The following CDH8 variants were observed in gnomAD, a reference collection of about 807,000 sequenced individuals.
The protein encoded by CDH8 is cadherin 8, also known as cadherin-8.
CDH8 carries 17 observed loss-of-function variants against 68.1 expected under a neutral mutation model. That is an observed-to-expected ratio of 0.25 (90% CI 0.17 to 0.37). CDH8 has a LOEUF of 0.37. CDH8 is among the 10% of genes least tolerant of loss of function. The probability of loss-of-function intolerance (pLI) is 1.00; values close to 1 mark genes in which losing one functional copy is unlikely to be tolerated. For missense variants in CDH8, 763 were observed against 999.3 expected, an observed-to-expected ratio of 0.76 and a Z score of 3.19; for synonymous variants, 372 against 365.1, an observed-to-expected ratio of 1.02 and a Z score of -0.21.
chr16:61,990,861 G>T (rs1374041599), intron 2 of CDH8, among the ~76,000 whole-genome samples: 1 of 141,552 alleles, frequency 7.1e-6, no homozygotes, highest in Non-Finnish European at 1.5e-5. Context: ...CGAAGGGAGG[G>T]AGGGAGGGAA....
At chr16:61,710,006 TC>T (rs565933351) in intron 10 of CDH8, among the ~76,000 whole-genome samples, 4 of 152,052 alleles carry the variant, frequency 2.6e-5, no homozygotes, top group Admixed American at 2.0e-4. Flanking sequence ...ATTTAAAGCT[TC>T]AAAGAGACCT....
intron 10 of CDH8, among the ~76,000 whole-genome samples, chr16:61,694,120 A>G (rs1385035006): frequency 2.0e-5 from 3 of 152,240 alleles, no homozygotes; most frequent in Non-Finnish European, 4.4e-5. Context: ...TTGATCGATC[A>G]TAATCTAAAA....
intron 8 of CDH8, among the ~76,000 whole-genome samples, chr16:61,759,356 G>A (rs780531854): frequency 6.6e-6 from 1 of 151,756 alleles, no homozygotes; most frequent in Non-Finnish European, 1.5e-5. Flanking sequence ...GAGGAAGAAG[G>A]AGGAAGAGGA....
intron 8 of CDH8, among the ~76,000 whole-genome samples, chr16:61,749,632 A>G (rs1465231366): frequency 6.6e-6 from 1 of 152,020 alleles, no homozygotes; most frequent in Non-Finnish European, 1.5e-5. Flanking sequence ...GGTGACTGAA[A>G]GGCTTGAATG....
chr16:61,897,807 A>G (rs559584877), intron 3 of CDH8, among the ~76,000 whole-genome samples: 1 of 152,298 alleles, frequency 6.6e-6, no homozygotes, highest in African/African-American at 2.4e-5. Flanking sequence ...AAACAATATG[A>G]AAAAAAGTGA....
chr16:61,906,673 T>C (rs140282144), intron 2 of CDH8, among the ~76,000 whole-genome samples: 1 of 152,330 alleles, frequency 6.6e-6, no homozygotes, highest in African/African-American at 2.4e-5. Context: ...TGGCATATTG[T>C]TGGAAGCCCA....
At chr16:61,754,443 A>T (rs1960257329) in intron 8 of CDH8, among the ~76,000 whole-genome samples, 1 of 152,150 alleles carries the variant, frequency 6.6e-6, no homozygotes, top group African/African-American at 2.4e-5. Context: ...AAGTGATTGC[A>T]TGAACTGATG....
chr16:61,669,952 T>C (rs895898508), intron 10 of CDH8, among the ~76,000 whole-genome samples: 3 of 152,212 alleles, frequency 2.0e-5, no homozygotes, highest in Middle Eastern at 3.4e-3. Flanking sequence ...CTATGTTTCT[T>C]TCTAAAACTT....
At chr16:61,921,546 T>G (rs1337056514) in intron 2 of CDH8, among the ~76,000 whole-genome samples, 1 of 152,200 alleles carries the variant, frequency 6.6e-6, no homozygotes, top group Non-Finnish European at 1.5e-5. Flanking sequence ...TCTAAATACT[T>G]AAATATTTTT....
intron 2 of CDH8, among the ~76,000 whole-genome samples, chr16:61,986,455 A>G (rs1482074975): frequency 1.3e-5 from 2 of 152,146 alleles, no homozygotes; most frequent in Non-Finnish European, 2.9e-5. Flanking sequence ...GAAACTCCCT[A>G]TCTTCTCAGG....
At chr16:61,979,533 C>A (rs1204082057) in intron 2 of CDH8, among the ~76,000 whole-genome samples, 2 of 152,082 alleles carry the variant, frequency 1.3e-5, no homozygotes, top group African/African-American at 4.8e-5. Context: ...ATAAACATAT[C>A]TTCTAGTCAG....
At chr16:61,692,973 T>C (rs1405671601) in intron 10 of CDH8, 1 of 152,162 alleles carries the variant, frequency 6.6e-6, no homozygotes, top group Non-Finnish European at 1.5e-5. Context: ...TACGATAACA[T>C]GACAAATTAA....
chr16:61,711,313 A>G (rs1164397251), intron 10 of CDH8, among the ~76,000 whole-genome samples: 4 of 151,780 alleles, frequency 2.6e-5, no homozygotes, highest in Non-Finnish European at 5.9e-5. Context: ...GAAAATGCCA[A>G]ATACTGAAAT....
At chr16:61,822,783 C>T (rs967056144) in intron 5 of CDH8, among the ~76,000 whole-genome samples, 1 of 151,824 alleles carries the variant, frequency 6.6e-6, no homozygotes, top group Admixed American at 6.6e-5. Flanking sequence ...TTTTGGTATG[C>T]TTATTAAATA....
Position 61,648,489 on chromosome 16 carries a change from T to C in CDH8, c.*5119A>G, listed in dbSNP as rs1963251648. The C allele has an allele frequency of 6.6e-6, 1 of 151,870 alleles. No individual in the cohort carries two copies. The highest frequency in any genetic ancestry group is 6.6e-5 in the Admixed American group (1 of 15,204). 9.4% of individuals were successfully genotyped at this position (151,870 alleles called of 1,614,324 possible). On this transcript the variant is annotated 3_prime_UTR_variant, in exon 12 of 12. Transcript: ENST00000577390. ...TTCCATAGCACTATATATAACTTAG[T>C]TTCTATTTCTTATCATCAAAAGTCT...
intron 8 of CDH8, among the ~76,000 whole-genome samples, chr16:61,728,765 T>C (rs575084874): frequency 2.0e-5 from 3 of 151,124 alleles, no homozygotes; most frequent in Non-Finnish European, 4.5e-5. Context: ...TCTTGGAAAG[T>C]AAAAAGGAGC....
At chr16:61,761,103 G>T (rs1960456289) in intron 8 of CDH8, among the ~76,000 whole-genome samples, 1 of 152,056 alleles carries the variant, frequency 6.6e-6, no homozygotes, top group South Asian at 2.1e-4. Flanking sequence ...ATAAATATGT[G>T]TGTATAATTT....
chr16:61,777,507 T>A (rs1281209199), intron 8 of CDH8, among the ~76,000 whole-genome samples: 4 of 152,138 alleles, frequency 2.6e-5, no homozygotes, highest in Non-Finnish European at 4.4e-5. Context: ...AGCTTAGGAC[T>A]GGGAGGCTAT....
chr16:61,795,654 C>CA (rs1961480263), intron 7 of CDH8, among the ~76,000 whole-genome samples: 1 of 151,936 alleles, frequency 6.6e-6, no homozygotes, highest in Admixed American at 6.6e-5. Flanking sequence ...GATGAATATC[C>CA]AAAAACGAAA....
Sources: gnomAD v4.1 joint callset for allele counts (sites outside exome capture counted in the v4.1 genomes callset) on GRCh38, gnomAD v4.1.1 for gene constraint, MANE v1.5 for transcripts, NCBI Gene and HGNC (gene_info 2026-07-23, HGNC 2026-07-21) for gene names.